The following RAB2A variants were observed in gnomAD, a reference collection of about 807,000 sequenced individuals.
RAB2A encodes the protein RAB2A, member RAS oncogene family.
RAB2A carries 7 observed loss-of-function variants against 32.5 expected under a neutral mutation model. The ratio of observed to expected loss-of-function variants is 0.22; its 90% CI spans 0.12 to 0.40. RAB2A has a LOEUF of 0.40. Ranked by LOEUF, RAB2A falls within the 10% of genes least tolerant of loss-of-function variation. The pLI is 1.00. For synonymous variants in RAB2A, 79 were observed against 85.2 expected (o/e 0.93, Z 0.40); for missense variants, 108 against 260.7 (o/e 0.41, Z 4.03).
Position 60,584,793 on chromosome 8 carries a change from A to T in RAB2A, c.340A>T (p.Ile114Phe). 6.2e-7 allele frequency: 1 copy of T among 1,613,314 alleles called. No homozygotes were observed. Among genetic ancestry groups the T allele is most frequent in the Non-Finnish European group, 8.5e-7 (1 of 1,179,470 alleles). ...CCAGCATTCCAATTCCAACATGGTC[A>T]TTATGCTTATTGGAAATAAAAGGTA... ...ARQHSNSNMV[I>F]MLIGNKSDLE... is the part of the protein sequence containing the mutation. The change falls in exon 5 of 8, where the codon ATT becomes TTT. Residue 114 changes from isoleucine to phenylalanine, a missense_variant. By Grantham distance (21) the Ile-to-Phe change is conservative (BLOSUM62 0). Transcript: ENST00000262646.
At chr8:60,552,711 A>G (rs1219298063) in intron 1 of RAB2A, 2 of 152,244 alleles carry the variant, frequency 1.3e-5, no homozygotes, top group African/African-American at 4.8e-5. Flanking sequence ...AAAAGATGAA[A>G]TAATATATGG....
At chr8:60,567,051 C>A (rs948639971) in intron 2 of RAB2A, among the ~76,000 whole-genome samples, 1 of 152,014 alleles carries the variant, frequency 6.6e-6, no homozygotes, top group East Asian at 1.9e-4. Flanking sequence ...ATATGTTAGA[C>A]CCCTGTATGT....
At chr8:60,599,751 C>T (rs1043894754) in intron 6 of RAB2A, among the ~76,000 whole-genome samples, 1 of 151,826 alleles carries the variant, frequency 6.6e-6, no homozygotes, top group African/African-American at 2.4e-5. Flanking sequence ...CTAAGTCTCA[C>T]ACCTTAAAAA....
At chr8:60,582,329 AT>A (rs2130847577) in intron 3 of RAB2A, among the ~76,000 whole-genome samples, 1 of 152,240 alleles carries the variant, frequency 6.6e-6, no homozygotes, top group East Asian at 1.9e-4. Context: ...TTAGCATGAC[AT>A]TATTCTAACT....
intron 5 of RAB2A, among the ~76,000 whole-genome samples, chr8:60,591,026 A>T (rs559037136): frequency 2.3e-3 from 343 of 152,196 alleles, no homozygotes; most frequent in African/African-American, 8.0e-3. Flanking sequence ...TCTGGCAAAT[A>T]ATATGTCAAG....
chr8:60,538,672 A>G (rs186767764), intron 1 of RAB2A, among the ~76,000 whole-genome samples: 20 of 152,284 alleles, frequency 1.3e-4, no homozygotes, highest in East Asian at 9.6e-4. Context: ...CTCAGCTTCT[A>G]TGGTGTGTGT....
At chr8:60,529,978 A>G (rs923571241) in intron 1 of RAB2A, among the ~76,000 whole-genome samples, 11 of 151,538 alleles carry the variant, frequency 7.3e-5, no homozygotes, top group Non-Finnish European at 1.6e-4. Flanking sequence ...GTTCTGTGTC[A>G]CCTTTTTTTT....
At chr8:60,549,314 G>T (rs976395890) in intron 1 of RAB2A, among the ~76,000 whole-genome samples, 1 of 152,198 alleles carries the variant, frequency 6.6e-6, no homozygotes, top group Middle Eastern at 3.2e-3. Flanking sequence ...GTTGTAGCGA[G>T]CCGAGATCAC....
intron 3 of RAB2A, among the ~76,000 whole-genome samples, chr8:60,579,815 G>A (rs1238938951): frequency 5.3e-5 from 8 of 151,906 alleles, no homozygotes; most frequent in African/African-American, 1.7e-4. Flanking sequence ...TTTTAGTAGA[G>A]ACAGGGTTTC....
In RAB2A at chr8:60,622,361, G is replaced by A. The variant is rs1473980234; in HGVS notation, c.*1592G>A. The A allele has an allele frequency of 6.6e-6, 1 of 152,210 alleles. No homozygotes were observed. The highest frequency in any genetic ancestry group is 1.5e-5 in the Non-Finnish European group (1 of 68,034). The allele number at this position is 152,210 out of a possible 1,614,324, so 9.4% of individuals were successfully genotyped here. The stretch of plus-strand genomic sequence containing the variant: ...CTCTCAAAGGTTTGACAGTACTCTT[G>A]TGGGAAATCACCAAATGCTGTCATA... On this transcript the variant is annotated 3_prime_UTR_variant, in exon 8 of 8. Transcript: ENST00000262646.
intron 3 of RAB2A, among the ~76,000 whole-genome samples, chr8:60,574,248 T>C (rs1808237347): frequency 6.6e-6 from 1 of 152,226 alleles, no homozygotes; most frequent in Non-Finnish European, 1.5e-5. Context: ...TCTCCTGTAG[T>C]TCTGATCCCA....
chr8:60,582,238 T>C (rs910326912), intron 3 of RAB2A, among the ~76,000 whole-genome samples: 1 of 152,180 alleles, frequency 6.6e-6, no homozygotes, highest in Non-Finnish European at 1.5e-5. Context: ...TACCCGGCTG[T>C]CTTCAGTTTA....
intron 2 of RAB2A, among the ~76,000 whole-genome samples, chr8:60,563,208 C>G (rs919252226): frequency 6.6e-6 from 1 of 152,008 alleles, no homozygotes; most frequent in African/African-American, 2.4e-5. Context: ...AATAAAAGAC[C>G]GTAAAAGTTT....
intron 1 of RAB2A, among the ~76,000 whole-genome samples, chr8:60,553,416 CA>C (rs1807886903): frequency 6.6e-6 from 1 of 152,192 alleles, no homozygotes; most frequent in Admixed American, 6.5e-5. Flanking sequence ...TGTTTGATTG[CA>C]TAACTAGGGT....
chr8:60,526,034 TATATATATATATA>T (rs1807379428), intron 1 of RAB2A, among the ~76,000 whole-genome samples: 1 of 121,080 alleles, frequency 8.3e-6, no homozygotes, highest in African/African-American at 3.1e-5. Context: ...TATATATATA[TATATATATATATA>T]TATATATATA....
At chr8:60,591,998 T>C (rs1467325606) in intron 6 of RAB2A, 29 bp downstream of exon 6, 1 of 1,286,012 alleles carries the variant, frequency 7.8e-7, no homozygotes, top group Non-Finnish European at 1.1e-6. Flanking sequence ...AAAATCTTCA[T>C]CTTTATACTT....
chr8:60,620,940 AAGAC>A lies in RAB2A; in HGVS notation c.*175_*178del, dbSNP rs1275196581. ...GAATAAATGGTTAATGTTCACTTAA[AAGAC>A]AGATTTTGGAGATTGTATTCATATC... On this transcript the variant is annotated 3_prime_UTR_variant, in exon 8 of 8. Transcript: ENST00000262646. The A allele has an allele frequency of 1.4e-5, 8 of 560,090 alleles. No homozygotes were observed. The highest frequency in any genetic ancestry group is 7.7e-5 in the South Asian group (3 of 38,892). 34.7% of individuals were successfully genotyped at this position (560,090 alleles called of 1,614,324 possible).
chr8:60,564,626 A>G (rs889548427), intron 2 of RAB2A, among the ~76,000 whole-genome samples: 3 of 152,026 alleles, frequency 2.0e-5, no homozygotes, highest in Non-Finnish European at 2.9e-5. Context: ...TGTCCCAAAT[A>G]GTTTCTGATT....
intron 6 of RAB2A, among the ~76,000 whole-genome samples, chr8:60,597,055 G>A (rs1311634774): frequency 6.6e-6 from 1 of 152,138 alleles, no homozygotes; most frequent in Non-Finnish European, 1.5e-5. Context: ...CAAGGATCTA[G>A]AACCAGAATT....
Sources: allele counts gnomAD v4.1 joint callset (sites outside exome capture counted in the v4.1 genomes callset), GRCh38; gene constraint gnomAD v4.1.1; transcripts MANE v1.5; gene names NCBI Gene and HGNC (gene_info 2026-07-23, HGNC 2026-07-21).